The following UPF3A variants were observed in gnomAD, a reference collection of about 807,000 sequenced individuals.
UPF3A encodes the protein regulator of nonsense transcripts 3A.
UPF3A carries 42 observed loss-of-function variants against 53.5 expected under a neutral mutation model. That is an observed-to-expected ratio of 0.78 (90% CI 0.61 to 1.01). The LOEUF (loss-of-function observed/expected upper bound fraction) is 1.01. UPF3A is among the 50% of genes least tolerant of loss of function. The pLI is 0.00. For missense variants in UPF3A, 575 were observed against 598.0 expected, an observed-to-expected ratio of 0.96 and a Z score of 0.40; for synonymous variants, 237 against 225.3, an observed-to-expected ratio of 1.05 and a Z score of -0.47.
Position 114,281,787 on chromosome 13 carries a change from T to G in UPF3A, c.148T>G (p.Ser50Ala), listed in dbSNP as rs753436215. The G allele has an allele frequency of 2.6e-6, 4 of 1,555,094 alleles. No homozygotes were observed. The highest frequency in any genetic ancestry group is 3.5e-6 in the Non-Finnish European group (4 of 1,150,818). The change falls in exon 1 of 10, where the codon TCC becomes GCC. Residue 50 changes from serine (S) to alanine (A), a missense_variant. This residue lies in a region of UPF3A where 252 missense variants were observed against 182.7 expected (regional missense o/e 1.38). Transcript: ENST00000375299. ...QEAETPPTSSSGCGGGAGKPR... is the reference protein window; with the variant it reads ...QEAETPPTSSAGCGGGAGKPR... The stretch of plus-strand genomic sequence containing the variant: ...GGCTGAGACGCCGCCAACTTCGTCC[T>G]CCGGTTGCGGGGGCGGTGCGGGCAA...
At chr13:114,297,515 C>A (rs1009586348) in intron 7 of UPF3A, among the ~76,000 whole-genome samples, 26 of 152,122 alleles carry the variant, frequency 1.7e-4, no homozygotes, top group African/African-American at 5.3e-4. Flanking sequence ...GAAATAAAGT[C>A]ATTTCAGTTC....
chr13:114,287,673 C>T (rs1425423059), intron 5 of UPF3A: 1 of 152,162 alleles, frequency 6.6e-6, no homozygotes, highest in African/African-American at 2.4e-5. Context: ...CATAAACTCC[C>T]TTCTTGTTTT....
chr13:114,295,588 C>A (rs2085885191), intron 7 of UPF3A, among the ~76,000 whole-genome samples: 1 of 152,242 alleles, frequency 6.6e-6, no homozygotes, highest in African/African-American at 2.4e-5. Flanking sequence ...CTGGGCCCTC[C>A]TCTTCCTGCG....
intron 7 of UPF3A, among the ~76,000 whole-genome samples, chr13:114,297,307 G>A (rs376957185): frequency 1.3e-5 from 2 of 151,910 alleles, no homozygotes; most frequent in African/African-American, 4.8e-5. Context: ...GAAAGGCCAG[G>A]GGCATACAGG....
intron 7 of UPF3A, among the ~76,000 whole-genome samples, chr13:114,293,490 A>G (rs58618671): frequency 0.023 from 3,528 of 152,224 alleles, 143 homozygotes; most frequent in African/African-American, 0.081. Flanking sequence ...TTTCTTTGGC[A>G]GTAGCACTAA....
chr13:114,298,245 C>T (rs535411494), intron 7 of UPF3A, among the ~76,000 whole-genome samples: 4 of 151,670 alleles, frequency 2.6e-5, no homozygotes, highest in African/African-American at 4.8e-5. Context: ...TGGTGGTGGG[C>T]GCCTGTAATC....
intron 8 of UPF3A, among the ~76,000 whole-genome samples, chr13:114,300,269 G>A (rs913483805): frequency 2.6e-5 from 4 of 152,188 alleles, no homozygotes; most frequent in Non-Finnish European, 4.4e-5. Flanking sequence ...CATCATGATG[G>A]ATGTGCACCT....
chr13:114,284,055 C>T (rs775072431), intron 3 of UPF3A: 227 of 985,240 alleles, frequency 2.3e-4, no homozygotes, highest in Non-Finnish European at 2.5e-4. Flanking sequence ...TACTGAGTTT[C>T]CCTTTTTCAC....
At chr13:114,282,767 G>GA in intron 2 of UPF3A, 70 bp from the exon 3 acceptor site, 1 of 1,554,950 alleles carries the variant, frequency 6.4e-7, no homozygotes, top group Non-Finnish European at 8.7e-7. Flanking sequence ...CCCAGAAAAG[G>GA]AAAAAGAGGC....
In UPF3A at chr13:114,305,358, G is replaced by T. The variant is rs1403042650; in HGVS notation, c.*441G>T. On this transcript the variant is annotated 3_prime_UTR_variant, in exon 10 of 10. Coordinates refer to ENST00000375299, the MANE Select transcript of UPF3A (RefSeq NM_023011.4). ...TGGCCTCTGAGCCATGGTGTCGAGT[G>T]AAGAGTAGTTCTTGTTTGTTACAAC... 1 of 258,078 alleles carries T rather than the reference G, an allele frequency of 3.9e-6. No homozygotes were observed. The highest frequency in any genetic ancestry group is 7.7e-6 in the Non-Finnish European group (1 of 130,522). 16.0% of individuals were successfully genotyped at this position (258,078 alleles called of 1,614,324 possible).
At chr13:114,283,966 C>G in intron 3 of UPF3A, 1 of 985,384 alleles carries the variant, frequency 1.0e-6, no homozygotes, top group Non-Finnish European at 1.2e-6. Context: ...TAAGCATTAG[C>G]CAAGCTAGTT....
chr13:114,294,653 A>G (rs1050363132), intron 7 of UPF3A, among the ~76,000 whole-genome samples: 23 of 152,118 alleles, frequency 1.5e-4, no homozygotes, highest in Non-Finnish European at 2.4e-4. Flanking sequence ...GTGAAACCCC[A>G]TGTCTACTAA....
chr13:114,296,624 G>A (rs1161810071), intron 7 of UPF3A, among the ~76,000 whole-genome samples: 1 of 152,080 alleles, frequency 6.6e-6, no homozygotes, highest in African/African-American at 2.4e-5. Context: ...AGGCCATCGG[G>A]AACCCCTGAA....
chr13:114,286,855 T>C (rs1282969505), intron 5 of UPF3A: 1 of 529,312 alleles, frequency 1.9e-6, no homozygotes, highest in Non-Finnish European at 3.4e-6. Context: ...TTAGTTAAGA[T>C]CATTTTAAGT....
At chr13:114,282,759 C>T (rs2084244160) in intron 2 of UPF3A, 78 bp from the exon 3 acceptor site, 3 of 1,547,060 alleles carry the variant, frequency 1.9e-6, no homozygotes, top group African/African-American at 1.4e-5. Flanking sequence ...TTGTTGTGCC[C>T]AGAAAAGGAA....
chr13:114,281,639 C>A lies in UPF3A; in HGVS notation c.-1C>A. ...GGCTGCGGCTCGGCGGAGAGTGCGG[C>A]ATGCGCTCGGAAAAGGAGGGGGCCG... On this transcript the variant is annotated 5_prime_UTR_variant, in exon 1 of 10. Transcript: ENST00000375299. 1 of 1,467,848 alleles carries A rather than the reference C, an allele frequency of 6.8e-7. No homozygotes were observed. The allele number at this position is 1,467,848 out of a possible 1,614,324, so 90.9% of individuals were successfully genotyped here.
intron 9 of UPF3A, 102 bp downstream of exon 9, chr13:114,302,127 C>T (rs1401264295): frequency 8.3e-7 from 1 of 1,211,486 alleles, no homozygotes; most frequent in African/African-American, 1.5e-5. Flanking sequence ...TTGGGGAACG[C>T]AGTGCTTTGA....
Position 114,281,675 on chromosome 13 carries a change from GGCGGCCGTTGCCGCGCGGGGCCCGA to G in UPF3A, c.41_65del (p.Ala14GlyfsTer8), listed in dbSNP as rs1461651106. On this transcript the variant is annotated frameshift_variant, in exon 1 of 10. Transcript: ENST00000375299. LOFTEE classifies it high-confidence loss of function. Reference sequence around the variant, plus strand: ...AAAAGGAGGGGGCCGGAGGCCTTCGGGCGGCCGTTGCCGCGCGGGGCCCGAGCGGGAGGGAGAAGCTGTCGGCCCT... The same window carrying G: ...AAAAGGAGGGGGCCGGAGGCCTTCGGGCGGGAGGGAGAAGCTGTCGGCCCT... The G allele has an allele frequency of 6.5e-7, 1 of 1,530,890 alleles. No homozygotes were observed. The highest frequency in any genetic ancestry group is 2.0e-5 in the Admixed American group (1 of 50,394). The allele number at this position is 1,530,890 out of a possible 1,614,324, so 94.8% of individuals were successfully genotyped here.
rs765100910 is a variant in UPF3A at position 114,291,703 on chromosome 13, G to A, written c.757G>A (p.Glu253Lys). ...ELEKKRLREE[E>K]KRRRREEERC... ...AGAAAAGAAACGTTTGCGGGAAGAG[G>A]AAAAAAGAAGAAGAAGAGAAGAAGA... is the stretch of plus-strand genomic sequence containing the variant. Residue 253 changes from glutamate to lysine, a missense_variant, in exon 7 of 10, where the codon GAA (glutamate) becomes AAA (lysine). Transcript: ENST00000375299. 11 of 1,596,484 alleles carry A rather than the reference G, an allele frequency of 6.9e-6. No individual in the cohort carries two copies. Among genetic ancestry groups the A allele is most frequent in the African/African-American group, 1.4e-5 (1 of 73,680 alleles).
Sources: gnomAD v4.1 joint callset for allele counts (sites outside exome capture counted in the v4.1 genomes callset) on GRCh38, gnomAD v4.1.1 for gene constraint, gnomAD v4.1.1 regional missense constraint, MANE v1.5 for transcripts, NCBI Gene and HGNC (gene_info 2026-07-23, HGNC 2026-07-21) for gene names.